Variants in IQSEC1 observed in about 807,000 individuals in gnomAD.
The protein encoded by IQSEC1 is IQ motif and SEC7 domain-containing protein 1.
IQSEC1 carries 31 observed loss-of-function variants against 91.0 expected under a neutral mutation model. The observed-to-expected ratio is 0.34, with a 90% confidence interval of 0.26 to 0.46. The LOEUF is 0.46. IQSEC1 is among the 20% of genes least tolerant of loss of function. IQSEC1 has a pLI of 1.00. For synonymous variants in IQSEC1, 699 were observed against 662.6 expected (o/e 1.05, Z -0.84); for missense variants, 1,388 against 1,575.6 (o/e 0.88, Z 2.02).
At chr3:13,049,934 C>T (rs957403011) in intron 1 of IQSEC1, among the ~76,000 whole-genome samples, 9 of 152,182 alleles carry the variant, frequency 5.9e-5, no homozygotes, top group African/African-American at 1.9e-4. Flanking sequence ...CATGTGAAGA[C>T]GGGAAACTGT....
upstream of IQSEC1, among the ~76,000 whole-genome samples, chr3:13,073,514 AGGCGCTGGTCGCCATG>A (rs1705504459): frequency 1.3e-5 from 2 of 152,048 alleles, no homozygotes; most frequent in Non-Finnish European, 2.9e-5. Flanking sequence ...CCAATCGCCG[AGGCGCTGGTCGCCATG>A]GCAACAGCAG....
intron 1 of IQSEC1, among the ~76,000 whole-genome samples, chr3:13,039,279 C>A (rs1043257435): frequency 6.6e-6 from 1 of 152,236 alleles, no homozygotes; most frequent in South Asian, 2.1e-4. Flanking sequence ...TTGAAATAAG[C>A]GGCTCTGCTC....
At chr3:12,964,220 A>G (rs1043365641) in intron 1 of IQSEC1, among the ~76,000 whole-genome samples, 2 of 152,176 alleles carry the variant, frequency 1.3e-5, no homozygotes, top group Non-Finnish European at 2.9e-5. Flanking sequence ...AAGAGCCTTA[A>G]TGGCCTCTAA....
chr3:13,019,752 A>G (rs1703317376), intron 1 of IQSEC1, among the ~76,000 whole-genome samples: 1 of 152,082 alleles, frequency 6.6e-6, no homozygotes, highest in Non-Finnish European at 1.5e-5. Flanking sequence ...TATGGTGCCC[A>G]CACCCACCCC....
intron 2 of IQSEC1, among the ~76,000 whole-genome samples, chr3:13,090,085 G>T (rs1265857271): frequency 2.0e-5 from 3 of 151,770 alleles, no homozygotes; most frequent in African/African-American, 7.3e-5. Flanking sequence ...GGGTGTGGTG[G>T]CGTGCACCTG....
At chr3:13,007,132 G>T (rs77166485) in intron 1 of IQSEC1, among the ~76,000 whole-genome samples, 1 of 152,228 alleles carries the variant, frequency 6.6e-6, no homozygotes, top group South Asian at 2.1e-4. Context: ...TGGAGTGCAG[G>T]AGAGGAAGCT....
At chr3:13,267,909 G>A (rs538850339) in intron 1 of IQSEC1, among the ~76,000 whole-genome samples, 15 of 152,066 alleles carry the variant, frequency 9.9e-5, no homozygotes, top group Non-Finnish European at 1.6e-4. Flanking sequence ...GAACCACCGC[G>A]CCTGGCCAGA....
chr3:13,179,836 C>T (rs1388106217), intron 1 of IQSEC1, among the ~76,000 whole-genome samples: 1 of 152,234 alleles, frequency 6.6e-6, no homozygotes, highest in Admixed American at 6.5e-5. Context: ...GCTCGGCGGG[C>T]CCTGCACTCA....
intron 1 of IQSEC1, among the ~76,000 whole-genome samples, chr3:13,175,861 C>G (rs1693718128): frequency 1.3e-5 from 2 of 152,222 alleles, no homozygotes. Flanking sequence ...TATAAGGACA[C>G]AAATCCCAGT....
intron 1 of IQSEC1, chr3:13,022,396 C>T (rs1703440813): frequency 9.0e-6 from 10 of 1,111,862 alleles, no homozygotes; most frequent in African/African-American, 1.6e-5. Flanking sequence ...ACACTAGACC[C>T]TGTGGCTTCT....
intron 1 of IQSEC1, among the ~76,000 whole-genome samples, chr3:13,177,065 C>A (rs1201023437): frequency 6.6e-6 from 1 of 152,136 alleles, no homozygotes. Flanking sequence ...ACAGGAGTGA[C>A]TGCTAATATG....
chr3:13,073,210 C>T lies in IQSEC1; in HGVS notation c.-196G>A. The T allele has an allele frequency of 1.5e-6, 1 of 663,422 alleles. No homozygotes were observed. The highest frequency in any genetic ancestry group is 2.7e-5 in the East Asian group (1 of 36,468). The allele number at this position is 663,422 out of a possible 1,614,324, so 41.1% of individuals were successfully genotyped here. On this transcript the variant is annotated 5_prime_UTR_variant, in exon 1 of 14. Coordinates refer to ENST00000613206, the MANE Select transcript of IQSEC1 (RefSeq NM_001134382.3). ...AGCGGGGGGCGGCGCCAGCAGCGGG[C>T]TGTGGAGGGCCCTGGCACGTAGCGC... is the stretch of plus-strand genomic sequence containing the variant.
rs1248172484 is a variant in IQSEC1 at position 13,207,702 on chromosome 3, G to T, written c.273-43569C>A. ...CTTCGCCCCTCAGATTCCTGCAGGG[G>T]CTTATCCCTGCCATCAGCCGGCCAC... On this transcript the variant is annotated intron_variant, in intron 1 of 15. Coordinates refer to the IQSEC1 transcript ENST00000648114. This position sits in a 1 kb window ranked among gnomAD's most constrained non-coding sequence, Gnocchi z 4.8. 6.6e-6 allele frequency among the ~76,000 whole-genome samples: 1 copy of T among 152,136 alleles called. No individual in the cohort carries two copies. Among genetic ancestry groups the T allele is most frequent in the Non-Finnish European group, 1.5e-5 (1 of 68,034 alleles).
At chr3:13,116,765 T>C (rs916929152) in intron 2 of IQSEC1, among the ~76,000 whole-genome samples, 1 of 151,922 alleles carries the variant, frequency 6.6e-6, no homozygotes, top group African/African-American at 2.4e-5. Context: ...CAGGTGGTAG[T>C]GGCAACAGAG....
intron 1 of IQSEC1, among the ~76,000 whole-genome samples, chr3:13,238,769 C>T (rs1694973995): frequency 6.6e-6 from 1 of 152,172 alleles, no homozygotes; most frequent in African/African-American, 2.4e-5. Flanking sequence ...ATGGCCTCCA[C>T]TCTGAGTCCA....
chr3:12,972,297 C>CTGA (rs1700945025), intron 1 of IQSEC1, among the ~76,000 whole-genome samples: 1 of 151,668 alleles, frequency 6.6e-6, no homozygotes, highest in South Asian at 2.1e-4. Context: ...GGATGACAGA[C>CTGA]TGAGATCCTG....
intron 1 of IQSEC1, among the ~76,000 whole-genome samples, chr3:13,166,993 G>C (rs750808579): frequency 6.6e-6 from 1 of 152,246 alleles, no homozygotes; most frequent in Non-Finnish European, 1.5e-5. Flanking sequence ...GGGCAGCCCC[G>C]GGGTGGAGGA....
intron 1 of IQSEC1, among the ~76,000 whole-genome samples, chr3:12,985,634 G>A: frequency 6.6e-6 from 1 of 152,186 alleles, no homozygotes; most frequent in East Asian, 1.9e-4. Flanking sequence ...AGGCCAGAGT[G>A]GGCGGATTTA....
intron 1 of IQSEC1, among the ~76,000 whole-genome samples, chr3:12,947,518 A>G (rs2686743): frequency 0.5 from 76,213 of 151,326 alleles, 19,697 homozygotes; most frequent in East Asian, 0.85. Context: ...TGCACCATGG[A>G]GGAGTCTTGC....
Sources: gnomAD v4.1 joint callset for allele counts (sites outside exome capture counted in the v4.1 genomes callset) on GRCh38, gnomAD v4.1.1 for gene constraint, Gnocchi (gnomAD v3.1) non-coding constraint, MANE v1.5 for transcripts, NCBI Gene and HGNC (gene_info 2026-07-23, HGNC 2026-07-21) for gene names.